The following PDLIM5 variants were observed in gnomAD, a reference collection of about 807,000 sequenced individuals.
PDLIM5 encodes the protein PDZ and LIM domain protein 5.
PDLIM5 carries 34 observed loss-of-function variants against 64.2 expected under a neutral mutation model. The ratio of observed to expected loss-of-function variants is 0.53; its 90% CI spans 0.40 to 0.71. PDLIM5 has a LOEUF of 0.71. Among genes scored for constraint, PDLIM5 ranks in the 30% least tolerant of loss-of-function variants. The pLI is 0.00. For missense variants in PDLIM5, 683 were observed against 733.6 expected (o/e 0.93, Z 0.80); for synonymous variants, 253 against 269.1 (o/e 0.94, Z 0.59).
chr4:94,535,027 G>T (rs896388698), intron 3 of PDLIM5, among the ~76,000 whole-genome samples: 2 of 152,176 alleles, frequency 1.3e-5, no homozygotes, highest in African/African-American at 4.8e-5. Context: ...TAGACACTGA[G>T]GTATTATTGA....
intron 2 of PDLIM5, among the ~76,000 whole-genome samples, chr4:94,499,311 T>C (rs528367902): frequency 1.3e-5 from 2 of 152,182 alleles, no homozygotes; most frequent in Admixed American, 6.5e-5. Flanking sequence ...TTCACCCCTT[T>C]CTTGGAAATA....
At chr4:94,595,613 A>C (rs1035258088) in intron 7 of PDLIM5, among the ~76,000 whole-genome samples, 1 of 152,242 alleles carries the variant, frequency 6.6e-6, no homozygotes, top group African/African-American at 2.4e-5. Context: ...ACTGTTTTGT[A>C]AGTTTTTTTA....
At chr4:94,656,952 A>C (rs1742257550) in intron 10 of PDLIM5, 2 of 151,984 alleles carry the variant, frequency 1.3e-5, no homozygotes, top group South Asian at 2.1e-4. Context: ...TTTTGTTATT[A>C]AATTATATAT....
intron 3 of PDLIM5, among the ~76,000 whole-genome samples, chr4:94,531,007 G>A (rs934501401): frequency 6.6e-6 from 1 of 152,134 alleles, no homozygotes; most frequent in Non-Finnish European, 1.5e-5. Context: ...GAAGTTTTCA[G>A]TTCTCTATCT....
chr4:94,623,214 C>T (rs1411651237), intron 8 of PDLIM5, among the ~76,000 whole-genome samples: 3 of 152,096 alleles, frequency 2.0e-5, no homozygotes, highest in Non-Finnish European at 4.4e-5. Flanking sequence ...TGCTTAGCTT[C>T]TTAACAGAAT....
chr4:94,665,006 A>C lies in PDLIM5; in HGVS notation c.*939A>C. ...TTCTTTTCTCATTTCTTCCCCACCC[A>C]AAAATAAGCTACCATATAGCTTATA... On this transcript the variant is annotated 3_prime_UTR_variant, in exon 13 of 13. Transcript: ENST00000317968. 3 of 982,558 alleles carry C rather than the reference A, an allele frequency of 3.1e-6. No individual in the cohort carries two copies. Among genetic ancestry groups the C allele is most frequent in the Non-Finnish European group, 3.6e-6 (3 of 827,250 alleles). 60.9% of individuals were successfully genotyped at this position (982,558 alleles called of 1,614,324 possible).
At chr4:94,558,281 G>A (rs1248984440) in intron 3 of PDLIM5, among the ~76,000 whole-genome samples, 2 of 152,096 alleles carry the variant, frequency 1.3e-5, no homozygotes, top group Non-Finnish European at 2.9e-5. Context: ...ATGGTATTGA[G>A]ACCTACGTCT....
intron 3 of PDLIM5, among the ~76,000 whole-genome samples, chr4:94,548,163 T>C (rs967775700): frequency 3.3e-5 from 5 of 152,160 alleles, no homozygotes; most frequent in African/African-American, 1.2e-4. Context: ...TCGAGCACTT[T>C]TGTTTTCTTA....
At chr4:94,656,755 C>A (rs1010184477) in intron 10 of PDLIM5, 4 of 151,670 alleles carry the variant, frequency 2.6e-5, no homozygotes, top group African/African-American at 9.7e-5. Context: ...CTGCCTCAGC[C>A]TCCCAAGTAG....
At chr4:94,632,078 C>T (rs1370450188) in intron 8 of PDLIM5, among the ~76,000 whole-genome samples, 2 of 152,226 alleles carry the variant, frequency 1.3e-5, no homozygotes, top group African/African-American at 4.8e-5. Context: ...ATTACAGGCT[C>T]TTAGCATAAA....
At chr4:94,663,830 A>G in intron 12 of PDLIM5, 148 bp from the exon 13 acceptor site, 1 of 609,610 alleles carries the variant, frequency 1.6e-6, no homozygotes, top group East Asian at 3.2e-5. Context: ...TAATCGTCAA[A>G]TATTAGGGAG....
intron 8 of PDLIM5, among the ~76,000 whole-genome samples, chr4:94,625,644 G>A (rs534114881): frequency 1.6e-4 from 25 of 152,046 alleles, no homozygotes; most frequent in African/African-American, 5.5e-4. Flanking sequence ...TAGTAGAGAC[G>A]GGGTTTCACC....
rs61055444 is a variant in PDLIM5 at position 94,617,644 on chromosome 4, C to CAAA, written c.921-341_921-339dup. Among the ~76,000 whole-genome samples, 41 of 66,310 alleles carry CAAA rather than the reference C, an allele frequency of 6.2e-4. 1 individual carries two copies. The highest frequency in any genetic ancestry group is 2.1e-3 in the South Asian group (4 of 1,874). 43.5% of individuals were successfully genotyped at this position (66,310 alleles called of 152,430 possible). A position where few individuals can be genotyped will look rare whatever the true frequency, so the allele number is the denominator to read the frequency against. ...GAGCATAGTGAGACCCCTGTGTCTA[C>CAAA]AAAAAAAAAAAAAAAAAAAAAGTAG... On this transcript the variant is annotated intron_variant, in intron 7 of 12. Transcript: ENST00000317968.
At chr4:94,640,673 C>T (rs967457272) in intron 9 of PDLIM5, among the ~76,000 whole-genome samples, 8 of 151,878 alleles carry the variant, frequency 5.3e-5, no homozygotes, top group Non-Finnish European at 1.0e-4. Flanking sequence ...TAATTGCGTT[C>T]GTTATCAGTT....
chr4:94,593,825 C>T (rs1034736465), intron 7 of PDLIM5, among the ~76,000 whole-genome samples: 3 of 152,206 alleles, frequency 2.0e-5, no homozygotes, highest in South Asian at 2.1e-4. Context: ...TTGACTTGGA[C>T]CCAATTGGAA....
chr4:94,579,590 C>T, intron 5 of PDLIM5: 1 of 937,560 alleles, frequency 1.1e-6, no homozygotes, highest in Non-Finnish European at 1.6e-6. Context: ...TATGAGTAAA[C>T]AGCATGAATG....
At chr4:94,556,444 T>C (rs1434337690) in intron 3 of PDLIM5, among the ~76,000 whole-genome samples, 2 of 152,154 alleles carry the variant, frequency 1.3e-5, no homozygotes, top group African/African-American at 4.8e-5. Context: ...CTGGGTCAAA[T>C]GGTATTTTTA....
In PDLIM5 at chr4:94,613,599, A is replaced by G. The variant is rs187010105; in HGVS notation, c.921-4405A>G. 1.8e-3 allele frequency among the ~76,000 whole-genome samples: 268 copies of G among 152,310 alleles called. 1 individual carries two copies. Among genetic ancestry groups the G allele is most frequent in the African/African-American group, 6.2e-3 (257 of 41,576 alleles). On this transcript the variant is annotated intron_variant, in intron 7 of 12. Coordinates refer to ENST00000317968, the MANE Select transcript of PDLIM5 (RefSeq NM_006457.5). ...ACAAAAACCTTGGTATTCTTAAGATAGAAGTCATATCAATCTATTATTTCA... is the reference window on the plus strand; with the variant it reads ...ACAAAAACCTTGGTATTCTTAAGATGGAAGTCATATCAATCTATTATTTCA...
rs540022737 is a variant in PDLIM5, at chr4:94,589,867, C to T, written c.920+3423C>T. The stretch of plus-strand genomic sequence containing the variant: ...TTGGCTTACTGCAACCTCCACCTCC[C>T]AGGTTTGAGTGATTCTCCTGCCTCA... On this transcript the variant is annotated intron_variant, in intron 7 of 12. Coordinates refer to ENST00000317968, the MANE Select transcript of PDLIM5 (RefSeq NM_006457.5). Among the ~76,000 whole-genome samples the T allele has an allele frequency of 3.9e-5, 6 of 152,040 alleles. No homozygotes were observed. In the South Asian group the frequency reaches 1.2e-3, roughly 32 times the overall value.
Sources: allele counts gnomAD v4.1 joint callset (sites outside exome capture counted in the v4.1 genomes callset), GRCh38; gene constraint gnomAD v4.1.1; transcripts MANE v1.5; gene names NCBI Gene and HGNC (gene_info 2026-07-23, HGNC 2026-07-21).